USP34: variants seen among roughly 807,000 people sequenced by gnomAD.
The protein encoded by USP34 is ubiquitin carboxyl-terminal hydrolase 34.
In USP34, 70 loss-of-function variants were observed where a neutral mutation model predicts 460.3. That is an observed-to-expected ratio of 0.15 (90% CI 0.13 to 0.19). The LOEUF (loss-of-function observed/expected upper bound fraction) is 0.19, where lower values mean the gene tolerates loss of function less well. Among genes scored for constraint, USP34 ranks in the 10% least tolerant of loss-of-function variants. The pLI, the probability that USP34 is intolerant of heterozygous loss-of-function variation, is 1.00. For missense variants in USP34, 3,985 were observed against 4,236.2 expected, an observed-to-expected ratio of 0.94 and a Z score of 1.65; for synonymous variants, 1,647 against 1,405.3, an observed-to-expected ratio of 1.17 and a Z score of -3.85.
At chr2:61,222,567 T>G in intron 65 of USP34, 52 bp downstream of exon 65, 1 of 1,442,222 alleles carries the variant, frequency 6.9e-7, no homozygotes, top group South Asian at 1.2e-5. Context: ...TTGAAAGCAT[T>G]AGCAGTGCTG....
chr2:61,343,589 C>A (rs1691670128), intron 16 of USP34, among the ~76,000 whole-genome samples: 3 of 151,836 alleles, frequency 2.0e-5, no homozygotes, highest in Admixed American at 2.0e-4. Flanking sequence ...TATTTTCTTT[C>A]CCCGCTGAAT....
chr2:61,267,035 T>C (rs1382986238), intron 41 of USP34, among the ~76,000 whole-genome samples: 1 of 152,216 alleles, frequency 6.6e-6, no homozygotes, highest in African/African-American at 2.4e-5. Flanking sequence ...CAAGGACTCC[T>C]AGGCTCAAGA....
intron 2 of USP34, chr2:61,416,951 C>T: frequency 1.6e-6 from 2 of 1,255,500 alleles, no homozygotes; most frequent in Non-Finnish European, 2.3e-6. Flanking sequence ...CCACAGCCAT[C>T]TGGGATGAGC....
At chr2:61,344,456 C>T (rs1208289888) in intron 15 of USP34, among the ~76,000 whole-genome samples, 10 of 152,090 alleles carry the variant, frequency 6.6e-5, no homozygotes, top group Middle Eastern at 3.2e-3. Flanking sequence ...GAACTTCTAA[C>T]CAAACAAACC....
At chr2:61,220,207 G>A (rs987414069) in intron 67 of USP34, 103 bp downstream of exon 67, 11 of 458,374 alleles carry the variant, frequency 2.4e-5, no homozygotes, top group South Asian at 2.3e-4. Context: ...CAAGAATTTC[G>A]TAGTATACAA....
chr2:61,412,417 A>C (rs1433143130), intron 2 of USP34, among the ~76,000 whole-genome samples: 1 of 152,142 alleles, frequency 6.6e-6, no homozygotes, highest in African/African-American at 2.4e-5. Context: ...GGGAGCCAAA[A>C]TAACAATAAC....
chr2:61,241,677 T>A (rs531730933), intron 52 of USP34, 22 bp from the exon 53 acceptor site: 2 of 1,560,102 alleles, frequency 1.3e-6, no homozygotes, highest in Admixed American at 4.1e-5. Context: ...AAGAAAAAAA[T>A]TTATTTTCAT....
At chr2:61,430,227 AAAAG>A (rs1356241626) in intron 1 of USP34, among the ~76,000 whole-genome samples, 7 of 129,354 alleles carry the variant, frequency 5.4e-5, no homozygotes, top group African/African-American at 1.7e-4. Flanking sequence ...AAAAAAAAAA[AAAAG>A]AAAAGAAAAA....
chr2:61,405,624 CT>C, intron 3 of USP34, 83 bp downstream of exon 3: 1 of 1,222,666 alleles, frequency 8.2e-7, no homozygotes, highest in Non-Finnish European at 1.1e-6. Context: ...CAGCAGAAAA[CT>C]GTCTTCATAT....
rs189168353 is a variant in USP34, at chr2:61,353,838, A to G, written c.1252-3145T>C. Reference sequence around the variant, plus strand: ...CAGCAAAGGGACAGAAATTATAAAAAGGAACCAAAAAGAAATTATGGAAAT... The same window carrying G: ...CAGCAAAGGGACAGAAATTATAAAAGGGAACCAAAAAGAAATTATGGAAAT... On this transcript the variant is annotated intron_variant, in intron 10 of 79. Transcript: ENST00000398571. Among the ~76,000 whole-genome samples the G allele has an allele frequency of 2.8e-3, 423 of 152,350 alleles. 1 individual carries two copies. The highest frequency in any genetic ancestry group is 9.5e-3 in the African/African-American group (394 of 41,574).
chr2:61,451,170 G>A (rs932441554), intron 1 of USP34, among the ~76,000 whole-genome samples: 3 of 122,638 alleles, frequency 2.4e-5, no homozygotes, highest in African/African-American at 6.5e-5. Flanking sequence ...GCAGTGAGCC[G>A]AGATCATGCC....
At chr2:61,326,950 A>G (rs969055028) in intron 20 of USP34, among the ~76,000 whole-genome samples, 2 of 148,666 alleles carry the variant, frequency 1.3e-5, no homozygotes, top group Non-Finnish European at 3.0e-5. Context: ...CACCCAGCTG[A>G]TTTTTTTTTT....
In USP34 at chr2:61,378,250, C is replaced by G. The variant is rs1238468181; in HGVS notation, c.1076+113G>C. 4.0e-6 allele frequency: 3 copies of G among 745,652 alleles called. No homozygotes were observed. The African/African-American group carries it at 5.5e-5, about 14-fold the overall frequency. The allele number at this position is 745,652 out of a possible 1,614,324, so 46.2% of individuals were successfully genotyped here. A position where few individuals can be genotyped will look rare whatever the true frequency, so the allele number is the denominator to read the frequency against. ...CTTCATGAAGAACTGTACACAATGT[C>G]AAAGGGCAAAGAATTTCTAGTAAAA... is the stretch of plus-strand genomic sequence containing the variant. On this transcript the variant is annotated intron_variant, in intron 8 of 79. Coordinates refer to ENST00000398571, the MANE Select transcript of USP34 (RefSeq NM_014709.4).
At chr2:61,443,062 C>A (rs1445504212) in intron 1 of USP34, among the ~76,000 whole-genome samples, 3 of 87,662 alleles carry the variant, frequency 3.4e-5, no homozygotes, top group African/African-American at 9.3e-5. Flanking sequence ...TAAGTTCTTA[C>A]TCATGTGGAA....
chr2:61,355,031 C>T lies in USP34; in HGVS notation c.1252-4338G>A, dbSNP rs934295322. ...ACTTGTCTCTATCCTGCAAGACAGG[C>T]ACTCCCCGAGGAAAGGGACAGCAGC... is the stretch of plus-strand genomic sequence containing the variant. On this transcript the variant is annotated intron_variant, in intron 10 of 79. Coordinates refer to ENST00000398571, the MANE Select transcript of USP34 (RefSeq NM_014709.4). Among the ~76,000 whole-genome samples, 55 of 152,186 alleles carry T rather than the reference C, an allele frequency of 3.6e-4. 1 individual carries two copies. The highest frequency in any genetic ancestry group is 1.3e-3 in the African/African-American group (52 of 41,446).
chr2:61,317,562 T>C (rs1445023501), intron 23 of USP34, 92 bp downstream of exon 23: 16 of 1,159,724 alleles, frequency 1.4e-5, no homozygotes, highest in Admixed American at 2.1e-5. Context: ...GGTAGTAAAT[T>C]CTATACTTTG....
chr2:61,352,842 G>C (rs1691983893), intron 10 of USP34, among the ~76,000 whole-genome samples: 2 of 151,440 alleles, frequency 1.3e-5, no homozygotes, highest in Admixed American at 1.3e-4. Context: ...TGACGAAGAG[G>C]ACAAAGACGA....
chr2:61,451,663 C>T (rs1028821969), intron 1 of USP34, among the ~76,000 whole-genome samples: 2 of 149,154 alleles, frequency 1.3e-5, no homozygotes, highest in East Asian at 3.9e-4. Flanking sequence ...ACCTGGGCAA[C>T]AAGAGCGAAA....
At chr2:61,454,163 G>A (rs1648981829) in intron 1 of USP34, among the ~76,000 whole-genome samples, 2 of 152,122 alleles carry the variant, frequency 1.3e-5, no homozygotes, top group Non-Finnish European at 2.9e-5. Flanking sequence ...TCGAGAAGGA[G>A]TCTCCCTCTG....
Sources: allele counts gnomAD v4.1 joint callset (sites outside exome capture counted in the v4.1 genomes callset), GRCh38; gene constraint gnomAD v4.1.1; transcripts MANE v1.5; gene names NCBI Gene and HGNC (gene_info 2026-07-23, HGNC 2026-07-21).